Variants in CSMD3 observed in about 807,000 individuals in gnomAD.
CSMD3 encodes CUB and sushi domain-containing protein 3.
A neutral mutation model predicts 435.2 loss-of-function variants in CSMD3; 177 were observed. The observed-to-expected ratio is 0.41, with a 90% CI of 0.36 to 0.46. CSMD3 has a LOEUF of 0.46. Ranked by LOEUF, CSMD3 falls within the 20% of genes least tolerant of loss-of-function variation. The pLI, the probability that CSMD3 is intolerant of heterozygous loss-of-function variation, is 0.34. For synonymous variants in CSMD3, 1,656 were observed against 1,520.5 expected (o/e 1.09, Z -2.07); for missense variants, 4,265 against 4,504.6 (o/e 0.95, Z 1.52).
At position 112,472,703 on chromosome 8, in the gene CSMD3, G is replaced by A. The variant is rs139551056; in HGVS notation, c.5283C>T (p.Pro1761=). The part of the protein sequence containing the change: ...WNRALPSCHA[P]CGSRSTGSEG... ...CTGAACCTGTTGAACGACTTCCACA[G>A]GGCGCTAGGAAAAAATGGCAAAAAT... is the stretch of plus-strand genomic sequence containing the variant. The change falls in exon 32 of 71, where the codon CCC becomes CCT. Residue 1761 remains proline (P), a synonymous_variant. Transcript: ENST00000297405. 1 of 1,594,676 alleles carries A rather than the reference G, an allele frequency of 6.3e-7. No individual in the cohort carries two copies. Among genetic ancestry groups the A allele is most frequent in the South Asian group, 1.1e-5 (1 of 90,676 alleles).
At chr8:112,273,195 T>A (rs1327873102) in intron 59 of CSMD3, among the ~76,000 whole-genome samples, 1 of 152,202 alleles carries the variant, frequency 6.6e-6, no homozygotes, top group Admixed American at 6.5e-5. Context: ...AATGTTTATT[T>A]ATTTTTATTT....
intron 12 of CSMD3, among the ~76,000 whole-genome samples, chr8:112,802,386 C>A (rs1362113833): frequency 6.6e-6 from 1 of 151,888 alleles, no homozygotes; most frequent in Non-Finnish European, 1.5e-5. Flanking sequence ...AGCCTAGGTA[C>A]TTAGTACTTA....
chr8:112,404,366 A>G (rs1176021998), intron 35 of CSMD3, among the ~76,000 whole-genome samples: 1 of 152,018 alleles, frequency 6.6e-6, no homozygotes, highest in Non-Finnish European at 1.5e-5. Flanking sequence ...CGTCTCTACT[A>G]AAAGATAGAA....
chr8:112,712,915 ATTAG>A (rs1388702375), intron 13 of CSMD3, among the ~76,000 whole-genome samples: 2 of 152,144 alleles, frequency 1.3e-5, no homozygotes, highest in Non-Finnish European at 2.9e-5. Context: ...GAAGCTGGTT[ATTAG>A]TCTGTCCTTA....
chr8:113,287,825 T>C (rs575904241), intron 2 of CSMD3, among the ~76,000 whole-genome samples: 1 of 152,134 alleles, frequency 6.6e-6, no homozygotes, highest in Admixed American at 6.6e-5. Flanking sequence ...GGTATTTTCC[T>C]GCAATTCTGC....
chr8:112,948,902 T>C (rs903945336), intron 8 of CSMD3, among the ~76,000 whole-genome samples: 18 of 152,058 alleles, frequency 1.2e-4, no homozygotes, highest in African/African-American at 4.3e-4. Context: ...ATCAGTTTTT[T>C]GGGAGTTTTT....
intron 2 of CSMD3, chr8:113,311,474 T>C (rs1180215743): frequency 6.6e-6 from 1 of 151,998 alleles, no homozygotes; most frequent in African/African-American, 2.4e-5. Context: ...TTTTAAAAAA[T>C]CTATTGGAGC....
At chr8:113,223,224 G>T (rs1295352982) in intron 3 of CSMD3, among the ~76,000 whole-genome samples, 1 of 150,024 alleles carries the variant, frequency 6.7e-6, no homozygotes, top group African/African-American at 2.4e-5. Context: ...ATTACTAATT[G>T]CTGCTTTTTT....
intron 22 of CSMD3, among the ~76,000 whole-genome samples, chr8:112,605,143 T>C (rs1832692184): frequency 6.6e-6 from 1 of 152,128 alleles, no homozygotes; most frequent in Non-Finnish European, 1.5e-5. Context: ...ATGCTGGTGA[T>C]GCTTTAAAGA....
rs370349725 is a variant in CSMD3 at position 112,675,468 on chromosome 8, G to A, written c.2677+6974C>T. Among the ~76,000 whole-genome samples, 19 of 152,082 alleles carry A rather than the reference G, an allele frequency of 1.2e-4. No homozygotes were observed. The South Asian group carries it at 1.7e-3, about 13-fold the overall frequency. ...CAATATTCATTTCCATTTTTGTCAC[G>A]GAGATTGCTTTAGATCAAAGGGGGC... On this transcript the variant is annotated intron_variant, in intron 16 of 70. Coordinates refer to ENST00000297405, the MANE Select transcript of CSMD3 (RefSeq NM_198123.2).
At chr8:112,737,982 A>C (rs2077222398) in intron 13 of CSMD3, among the ~76,000 whole-genome samples, 1 of 151,898 alleles carries the variant, frequency 6.6e-6, no homozygotes, top group African/African-American at 2.4e-5. Flanking sequence ...TTATTTTTAG[A>C]ACTGTGATTA....
rs139696666 is a variant in CSMD3, at chr8:112,983,143, T to A, written c.1031-6995A>T. On this transcript the variant is annotated intron_variant, in intron 6 of 70. Coordinates refer to ENST00000297405, the MANE Select transcript of CSMD3 (RefSeq NM_198123.2). The stretch of plus-strand genomic sequence containing the variant: ...TATTTTGAAAGAGAAAGGAGAAAAG[T>A]AAAGAAAATTTGTGGGTGGGGTTCC... Among the ~76,000 whole-genome samples the A allele has an allele frequency of 5.8e-3, 887 of 152,030 alleles. 5 individuals are homozygous for A. Among genetic ancestry groups the A allele is most frequent in the African/African-American group, 0.019 (799 of 41,532 alleles).
At chr8:113,030,331 G>A (rs2087040922) in intron 5 of CSMD3, among the ~76,000 whole-genome samples, 1 of 134,832 alleles carries the variant, frequency 7.4e-6, no homozygotes, top group African/African-American at 2.8e-5. Context: ...GCAAGACTAA[G>A]CAAAAAGAAC....
In CSMD3 at chr8:113,323,355, T is replaced by C. The variant is rs1244790881; in HGVS notation, c.179-8562A>G. 3.3e-5 allele frequency among the ~76,000 whole-genome samples: 5 copies of C among 152,216 alleles called. No homozygotes were observed. The South Asian group carries it at 1.0e-3, about 32-fold the overall frequency. On this transcript the variant is annotated intron_variant, in intron 1 of 70. Coordinates refer to ENST00000297405, the MANE Select transcript of CSMD3 (RefSeq NM_198123.2). ...TAACCAAACGGCTCAAATTACTCAATTGTTATTCAAACTATTATTATTTTA... is the reference window on the plus strand; with the variant it reads ...TAACCAAACGGCTCAAATTACTCAACTGTTATTCAAACTATTATTATTTTA...
rs1398812 is a variant in CSMD3, at chr8:113,394,042, C to T, written c.178+42635G>A. Among the ~76,000 whole-genome samples, 941 of 151,944 alleles carry T rather than the reference C, an allele frequency of 6.2e-3. 4 individuals carry two copies. The highest frequency in any genetic ancestry group is 0.027 in the Middle Eastern group (8 of 294). The stretch of plus-strand genomic sequence containing the variant: ...CTTGCAGCTTAAAGTAGACTGAGAA[C>T]GTATAGAGTCTGCATTCTGAAGTTT... On this transcript the variant is annotated intron_variant, in intron 1 of 70. Coordinates refer to ENST00000297405, the MANE Select transcript of CSMD3 (RefSeq NM_198123.2).
intron 4 of CSMD3, among the ~76,000 whole-genome samples, chr8:113,130,000 A>G (rs1564347896): frequency 6.6e-6 from 1 of 151,968 alleles, no homozygotes. Context: ...CAATAAGGAT[A>G]TAATGAATAA....
chr8:113,409,295 G>A (rs911515431), intron 1 of CSMD3, among the ~76,000 whole-genome samples: 5 of 151,712 alleles, frequency 3.3e-5, no homozygotes, highest in African/African-American at 1.2e-4. Context: ...ATGTTGGTCA[G>A]GGTGGTCTCG....
At chr8:113,089,429 A>G (rs1301293904) in intron 5 of CSMD3, among the ~76,000 whole-genome samples, 1 of 152,150 alleles carries the variant, frequency 6.6e-6, no homozygotes, top group Non-Finnish European at 1.5e-5. Context: ...ACTAATTTAG[A>G]ACATAAATCA....
chr8:112,479,812 G>C (rs1173810822), intron 31 of CSMD3, among the ~76,000 whole-genome samples: 1 of 152,210 alleles, frequency 6.6e-6, no homozygotes. Context: ...TATAGGGTTG[G>C]AGCCCCACAG....
Sources: allele counts gnomAD v4.1 joint callset (sites outside exome capture counted in the v4.1 genomes callset), GRCh38; gene constraint gnomAD v4.1.1; transcripts MANE v1.5; gene names NCBI Gene and HGNC (gene_info 2026-07-23, HGNC 2026-07-21).